Variants in KCNK2 observed in about 807,000 individuals in gnomAD.
KCNK2 encodes the protein potassium two pore domain channel subfamily K member 2, also known as potassium channel subfamily K member 2.
Under a neutral mutation model 40.5 loss-of-function variants are expected in KCNK2, and 21 were observed. The observed-to-expected ratio is 0.52, with a 90% CI of 0.37 to 0.75. KCNK2 has a LOEUF of 0.75. KCNK2 is among the 30% of genes least tolerant of loss of function. KCNK2 has a pLI of 0.00. For missense variants in KCNK2, 399 were observed against 531.6 expected, an observed-to-expected ratio of 0.75 and a Z score of 2.45; for synonymous variants, 191 against 202.2, an observed-to-expected ratio of 0.94 and a Z score of 0.47.
In KCNK2 at chr1:215,169,176, T is replaced by C. The variant is rs114711722; in HGVS notation, c.476-23T>C. ...GTTTTAAACAACTATTATTCATTTGTAAACAATGTAATTTTTTTAAAGGAT... is the reference window on the plus strand; with the variant it reads ...GTTTTAAACAACTATTATTCATTTGCAAACAATGTAATTTTTTTAAAGGAT... On this transcript the variant is annotated intron_variant, in intron 3 of 6. Transcript: ENST00000444842. The C allele has an allele frequency of 2.4e-3, 3,830 of 1,576,966 alleles. 94 individuals are homozygous for C. In the African/African-American group the frequency reaches 0.045, roughly 18 times the overall value.
At chr1:215,107,491 C>A (rs902313944) in intron 2 of KCNK2, among the ~76,000 whole-genome samples, 3 of 152,092 alleles carry the variant, frequency 2.0e-5, no homozygotes. Context: ...TCTAATTTCT[C>A]CACATTATTG....
chr1:215,047,033 A>G (rs1036743198), intron 1 of KCNK2, among the ~76,000 whole-genome samples: 14 of 152,128 alleles, frequency 9.2e-5, no homozygotes, highest in African/African-American at 3.4e-4. Context: ...TAGAGTCTGG[A>G]AAACATTGAA....
rs890177088 is a variant in KCNK2 at position 215,050,536 on chromosome 1, G to A, written c.35-35832G>A. On this transcript the variant is annotated intron_variant, in intron 1 of 6. Transcript: ENST00000391895. ...TTTAGTAGAGGAACAGGATGAAAGG[G>A]AGCATACAGAGAGAGAAATAAAAAG... Among the ~76,000 whole-genome samples the A allele has an allele frequency of 2.0e-5, 3 of 151,974 alleles. No individual in the cohort carries two copies. In the South Asian group the frequency reaches 6.2e-4, roughly 32 times the overall value.
chr1:215,213,439 C>T (rs10746456), intron 6 of KCNK2, among the ~76,000 whole-genome samples: 146,676 of 152,232 alleles, frequency 0.96, 70,905 homozygotes, highest in East Asian at 1. Flanking sequence ...TGAAAACCCA[C>T]GTCTACTAAA....
chr1:215,017,174 A>C (rs1407062280), intron 1 of KCNK2, among the ~76,000 whole-genome samples: 1 of 152,166 alleles, frequency 6.6e-6, no homozygotes, highest in East Asian at 1.9e-4. Flanking sequence ...TTTTGGAAAC[A>C]GTATTGTGGT....
upstream of KCNK2, among the ~76,000 whole-genome samples, chr1:215,080,189 A>G (rs1274674795): frequency 6.6e-6 from 1 of 152,176 alleles, no homozygotes; most frequent in Admixed American, 6.5e-5. Flanking sequence ...ATATCAAAAC[A>G]TATTTAATTT....
intron 6 of KCNK2, among the ~76,000 whole-genome samples, chr1:215,201,717 C>T (rs898947512): frequency 1.3e-5 from 2 of 152,044 alleles, no homozygotes; most frequent in South Asian, 2.1e-4. Context: ...GGGAGGATTG[C>T]GTAGGTGGTG....
intron 6 of KCNK2, among the ~76,000 whole-genome samples, chr1:215,226,381 A>G (rs1200027768): frequency 6.6e-6 from 1 of 152,318 alleles, no homozygotes; most frequent in East Asian, 1.9e-4. Context: ...GCTGGAGCGC[A>G]GTGGCGTGAT....
At chr1:215,210,006 TATATAATATATAATATATA>T (rs1558141535) in intron 6 of KCNK2, among the ~76,000 whole-genome samples, 1 of 78,602 alleles carries the variant, frequency 1.3e-5, no homozygotes, top group African/African-American at 5.7e-5. Context: ...ATATATATTA[TATATAATATATAATATATA>T]TTATATATAA....
At chr1:215,156,589 G>T (rs1662938432) in intron 3 of KCNK2, among the ~76,000 whole-genome samples, 1 of 152,106 alleles carries the variant, frequency 6.6e-6, no homozygotes, top group Non-Finnish European at 1.5e-5. Flanking sequence ...TACTGTATTA[G>T]TCCATTCTCA....
chr1:215,095,974 T>G (rs1659960720), intron 2 of KCNK2, among the ~76,000 whole-genome samples: 1 of 152,022 alleles, frequency 6.6e-6, no homozygotes, highest in Admixed American at 6.6e-5. Context: ...CTAGGTGAGG[T>G]AAATCAGGGA....
intron 1 of KCNK2, among the ~76,000 whole-genome samples, chr1:215,014,136 C>T (rs1656502064): frequency 6.6e-6 from 1 of 151,980 alleles, no homozygotes; most frequent in Non-Finnish European, 1.5e-5. Flanking sequence ...TCAGTTTTTT[C>T]AAATGCTTTT....
chr1:215,192,411 T>G (rs981241217), intron 5 of KCNK2, among the ~76,000 whole-genome samples: 1 of 152,178 alleles, frequency 6.6e-6, no homozygotes, highest in Non-Finnish European at 1.5e-5. Flanking sequence ...TTTTAGTGAT[T>G]AAGCTAATTT....
intron 2 of KCNK2, among the ~76,000 whole-genome samples, chr1:215,102,436 C>A (rs1281107370): frequency 6.6e-6 from 1 of 151,654 alleles, no homozygotes; most frequent in Non-Finnish European, 1.5e-5. Flanking sequence ...TTGTTTTAAC[C>A]TAAGTTATTA....
At chr1:215,213,472 A>AT (rs762009196) in intron 6 of KCNK2, among the ~76,000 whole-genome samples, 31 of 152,094 alleles carry the variant, frequency 2.0e-4, no homozygotes, top group Non-Finnish European at 3.4e-4. Context: ...TTAGCCAGGC[A>AT]CGATGGCGCA....
intron 6 of KCNK2, among the ~76,000 whole-genome samples, chr1:215,231,296 G>C (rs759163288): frequency 3.3e-5 from 5 of 152,134 alleles, no homozygotes; most frequent in Admixed American, 3.3e-4. Flanking sequence ...GAAATGGTGA[G>C]GCTGCTGGGA....
At chr1:215,043,415 G>T (rs1311058278) in intron 1 of KCNK2, among the ~76,000 whole-genome samples, 1 of 152,152 alleles carries the variant, frequency 6.6e-6, no homozygotes, top group Non-Finnish European at 1.5e-5. Flanking sequence ...TCAGCAGATG[G>T]GTGATAAACA....
chr1:215,018,999 A>ACACACAC (rs541182638), intron 1 of KCNK2, among the ~76,000 whole-genome samples: 1 of 20,594 alleles, frequency 4.9e-5, no homozygotes, highest in South Asian at 1.6e-3. Context: ...ACACACACAC[A>ACACACAC]AAAAAAAAAC....
intron 3 of KCNK2, among the ~76,000 whole-genome samples, chr1:215,147,249 G>A (rs113945667): frequency 4.3e-4 from 65 of 152,154 alleles, no homozygotes; most frequent in African/African-American, 1.5e-3. Context: ...ACCTCTGTAG[G>A]TATTTTAAAA....
Sources: gnomAD v4.1 joint callset for allele counts (sites outside exome capture counted in the v4.1 genomes callset) on GRCh38, gnomAD v4.1.1 for gene constraint, MANE v1.5 for transcripts, NCBI Gene and HGNC (gene_info 2026-07-23, HGNC 2026-07-21) for gene names.